IL1RAPL2: variants seen among roughly 807,000 people sequenced by gnomAD.
IL1RAPL2 encodes the protein X-linked interleukin-1 receptor accessory protein-like 2.
A neutral mutation model predicts 44.1 loss-of-function variants in IL1RAPL2; 3 were observed. The observed-to-expected ratio is 0.07, with a 90% CI of 0.03 to 0.18. The LOEUF (loss-of-function observed/expected upper bound fraction) is 0.18. Ranked by LOEUF, IL1RAPL2 falls within the 10% of genes least tolerant of loss-of-function variation. The pLI is 1.00. For missense variants in IL1RAPL2, 391 were observed against 496.4 expected (o/e 0.79, Z 2.02); for synonymous variants, 181 against 178.8 (o/e 1.01, Z -0.10).
intron 2 of IL1RAPL2, among the ~76,000 whole-genome samples, chrX:104,935,252 GT>G (rs1924999472): frequency 9.0e-6 from 1 of 111,671 alleles, no homozygotes; most frequent in African/African-American, 3.3e-5. Flanking sequence ...AATTCCAGTT[GT>G]TTTAAATTCC....
chrX:105,004,918 G>A (rs1384740713), intron 2 of IL1RAPL2, among the ~76,000 whole-genome samples: 4 of 110,897 alleles, frequency 3.6e-5, no homozygotes, highest in Admixed American at 9.6e-5. Context: ...CCGTCCCTCA[G>A]TGAGGTGGGG....
intron 2 of IL1RAPL2, among the ~76,000 whole-genome samples, chrX:105,149,535 C>G (rs1367544151): frequency 9.0e-6 from 1 of 111,443 alleles, no homozygotes; most frequent in East Asian, 2.8e-4. Flanking sequence ...AGGCGGTATA[C>G]AAATGGTAAA....
intron 2 of IL1RAPL2, among the ~76,000 whole-genome samples, chrX:104,928,347 AC>A (rs1237538621): frequency 2.7e-5 from 3 of 111,569 alleles, no homozygotes; most frequent in Non-Finnish European, 5.7e-5. Context: ...AGAATTTGCC[AC>A]CGAGTGTCTT....
chrX:104,582,596 T>TTCTTTTTCTTTCTTTCTTTC (rs1387907561), intron 1 of IL1RAPL2, among the ~76,000 whole-genome samples: 21 of 52,193 alleles, frequency 4.0e-4, no homozygotes, highest in African/African-American at 1.2e-3. Flanking sequence ...CTTTCTTTCT[T>TTCTTTTTCTTTCTTTCTTTC]TTTCTTTCTT....
chrX:105,543,810 G>A, intron 6 of IL1RAPL2, among the ~76,000 whole-genome samples: 1 of 111,901 alleles, frequency 8.9e-6, no homozygotes, highest in African/African-American at 3.2e-5. Context: ...TTGTGATAAT[G>A]CCACACTAGG....
chrX:105,450,040 T>C (rs745801693), intron 5 of IL1RAPL2, among the ~76,000 whole-genome samples: 1 of 111,550 alleles, frequency 9.0e-6, no homozygotes, highest in East Asian at 2.9e-4. Flanking sequence ...GAGATTGGAG[T>C]CAAAAACCTT....
chrX:105,594,886 G>A (rs1208293622), intron 6 of IL1RAPL2, among the ~76,000 whole-genome samples: 1 of 111,353 alleles, frequency 9.0e-6, no homozygotes, highest in Admixed American at 9.6e-5. Flanking sequence ...GAATACAAGA[G>A]GGGAGAGAGA....
chrX:105,658,173 A>G (rs1281041585), intron 6 of IL1RAPL2, among the ~76,000 whole-genome samples: 2 of 110,786 alleles, frequency 1.8e-5, no homozygotes, highest in African/African-American at 6.6e-5. Flanking sequence ...GAAAAAAAAA[A>G]TAATTAACTC....
chrX:105,072,863 T>A (rs2032227135), intron 2 of IL1RAPL2, among the ~76,000 whole-genome samples: 1 of 108,677 alleles, frequency 9.2e-6, no homozygotes, highest in Non-Finnish European at 1.9e-5. Context: ...AATCCATGTG[T>A]TCTCATTGTT....
chrX:105,017,688 TAGAG>T (rs2031209161), intron 2 of IL1RAPL2, among the ~76,000 whole-genome samples: 1 of 110,387 alleles, frequency 9.1e-6, no homozygotes, highest in Non-Finnish European at 1.9e-5. Context: ...AGTAACATAA[TAGAG>T]AGTGGAGAGG....
At chrX:104,865,002 T>C (rs1332576952) in intron 2 of IL1RAPL2, among the ~76,000 whole-genome samples, 1 of 111,267 alleles carries the variant, frequency 9.0e-6, no homozygotes, top group Non-Finnish European at 1.9e-5. Flanking sequence ...CATCCTGTGG[T>C]CATCTCCCCA....
chrX:105,733,966 G>A (rs1406621664), intron 7 of IL1RAPL2, among the ~76,000 whole-genome samples: 2 of 111,419 alleles, frequency 1.8e-5, no homozygotes, highest in Non-Finnish European at 3.8e-5. Context: ...GGCTTTTAAT[G>A]TGAGATTTTA....
At chrX:105,062,285 G>T (rs2032084320) in intron 2 of IL1RAPL2, among the ~76,000 whole-genome samples, 1 of 110,829 alleles carries the variant, frequency 9.0e-6, no homozygotes, top group African/African-American at 3.3e-5. Flanking sequence ...AATGCTGTTT[G>T]CATAAACAAA....
At chrX:104,744,761 A>G (rs1429428746) in intron 2 of IL1RAPL2, among the ~76,000 whole-genome samples, 1 of 111,237 alleles carries the variant, frequency 9.0e-6, no homozygotes, top group South Asian at 3.7e-4. Context: ...TGATTTCTTT[A>G]TCTAGATTTT....
intron 6 of IL1RAPL2, among the ~76,000 whole-genome samples, chrX:105,686,380 C>CAAAAAAAAAAAAAAAAAAAA (rs1177667576): frequency 7.9e-5 from 2 of 25,170 alleles, no homozygotes; most frequent in African/African-American, 1.8e-4. Flanking sequence ...AAATGGAAAG[C>CAAAAAAAAAAAAAAAAAAAA]AAAAAAAAAA....
chrX:104,770,952 G>C, intron 2 of IL1RAPL2, among the ~76,000 whole-genome samples: 1 of 111,483 alleles, frequency 9.0e-6, no homozygotes. Flanking sequence ...CCATCCAAGG[G>C]AGTGAATACT....
At chrX:104,907,045 T>C (rs1022909938) in intron 2 of IL1RAPL2, among the ~76,000 whole-genome samples, 19 of 110,901 alleles carry the variant, frequency 1.7e-4, no homozygotes, top group East Asian at 8.6e-4. Flanking sequence ...GTGTATGTGT[T>C]GAGGAATTTA....
chrX:104,571,998 C>G (rs1183422298), intron 1 of IL1RAPL2, among the ~76,000 whole-genome samples: 1 of 112,082 alleles, frequency 8.9e-6, no homozygotes. Context: ...TCATTTTGCT[C>G]TGGCTTACTT....
At chrX:105,712,861 G>A (rs1363672501) in intron 6 of IL1RAPL2, among the ~76,000 whole-genome samples, 4 of 112,246 alleles carry the variant, frequency 3.6e-5, no homozygotes, top group African/African-American at 9.7e-5. Context: ...TACAATGGGG[G>A]TACAGGCATT....
Sources: gnomAD v4.1 joint callset for allele counts (sites outside exome capture counted in the v4.1 genomes callset) on GRCh38, gnomAD v4.1.1 for gene constraint, MANE v1.5 for transcripts, NCBI Gene and HGNC (gene_info 2026-07-23, HGNC 2026-07-21) for gene names.